The following AGBL1 variants were observed in gnomAD, a reference collection of about 807,000 sequenced individuals.
The protein encoded by AGBL1 is cytosolic carboxypeptidase 4.
In AGBL1, 130 loss-of-function variants were observed where a neutral mutation model predicts 118.9. The observed-to-expected ratio is 1.09, with a 90% CI of 0.95 to 1.26. The LOEUF is 1.26. Ranked by LOEUF, AGBL1 falls within the 50% of genes most tolerant of loss-of-function variation. The pLI is 0.00. For missense variants in AGBL1, 1,584 were observed against 1,298.1 expected, an observed-to-expected ratio of 1.22 and a Z score of -3.38; for synonymous variants, 555 against 478.9, an observed-to-expected ratio of 1.16 and a Z score of -2.08.
intron 23 of AGBL1, among the ~76,000 whole-genome samples, chr15:86,944,372 C>T (rs1222005329): frequency 6.6e-6 from 1 of 150,480 alleles, no homozygotes; most frequent in Non-Finnish European, 1.5e-5. Flanking sequence ...AGTGAAACTC[C>T]GTCTAAATAA....
chr15:86,299,267 A>G (rs2079707631), intron 17 of AGBL1, among the ~76,000 whole-genome samples: 1 of 152,124 alleles, frequency 6.6e-6, no homozygotes, highest in Non-Finnish European at 1.5e-5. Flanking sequence ...TGAACAGGGA[A>G]GTTCTCTGGG....
intron 23 of AGBL1, among the ~76,000 whole-genome samples, chr15:86,977,854 T>C (rs1048892963): frequency 3.9e-5 from 6 of 152,136 alleles, no homozygotes; most frequent in Admixed American, 2.6e-4. Flanking sequence ...TATGTCTTAA[T>C]TTTCAAATTT....
At chr15:86,731,241 TG>T (rs973117879) in intron 22 of AGBL1, among the ~76,000 whole-genome samples, 5 of 152,330 alleles carry the variant, frequency 3.3e-5, no homozygotes, top group African/African-American at 4.8e-5. Context: ...GTTGATTTTT[TG>T]TTTTTTACAT....
chr15:86,134,638 G>A (rs2076864151), intron 1 of AGBL1, among the ~76,000 whole-genome samples: 2 of 119,078 alleles, frequency 1.7e-5, no homozygotes, highest in Non-Finnish European at 3.3e-5. Flanking sequence ...TTTTGAGATG[G>A]CATCTCACTC....
chr15:86,546,057 G>T lies in AGBL1; in HGVS notation c.2741G>T (p.Cys914Phe), dbSNP rs762984821. The T allele has an allele frequency of 6.2e-7, 1 of 1,613,224 alleles. No homozygotes were observed. Among genetic ancestry groups the T allele is most frequent in the East Asian group, 2.2e-5 (1 of 44,872 alleles). The change falls in exon 20 of 23, where the codon TGT (cysteine) becomes TTT (phenylalanine). Residue 914 changes from cysteine to phenylalanine, a missense_variant. Cys to Phe is a radical substitution (Grantham distance 205). Coordinates refer to ENST00000614907, the MANE Select transcript of AGBL1 (RefSeq NM_001386094.1). Reference sequence around the variant, plus strand: ...AAGAAGAATGTGTTCCTTTATGGCTGTAGCATCAAGGAAACCTTGTGGCAA... The same window carrying T: ...AAGAAGAATGTGTTCCTTTATGGCTTTAGCATCAAGGAAACCTTGTGGCAA... Reference protein sequence around the residue: ...SQKKNVFLYGCSIKETLWQAA... With the variant: ...SQKKNVFLYGFSIKETLWQAA...
chr15:86,845,807 G>A (rs2079309426), intron 22 of AGBL1, among the ~76,000 whole-genome samples: 1 of 152,078 alleles, frequency 6.6e-6, no homozygotes, highest in African/African-American at 2.4e-5. Context: ...TTGGTAAATT[G>A]TGTTTGGTAA....
intron 22 of AGBL1, among the ~76,000 whole-genome samples, chr15:86,882,254 G>A (rs1173406377): frequency 6.6e-6 from 1 of 152,146 alleles, no homozygotes; most frequent in African/African-American, 2.4e-5. Flanking sequence ...AAATAAGTGG[G>A]GTGGTATCCA....
intron 18 of AGBL1, among the ~76,000 whole-genome samples, chr15:86,442,113 G>A (rs1033465919): frequency 3.9e-5 from 6 of 152,244 alleles, no homozygotes; most frequent in African/African-American, 1.4e-4. Context: ...CTGTTTGCAA[G>A]GAGCCGGGAG....
intron 22 of AGBL1, among the ~76,000 whole-genome samples, chr15:86,889,382 T>C (rs1023694918): frequency 2.6e-5 from 4 of 151,716 alleles, no homozygotes; most frequent in Admixed American, 6.6e-5. Context: ...TGTGTTTTAT[T>C]TTTCATTGAC....
At chr15:86,393,189 AT>A (rs1190749282) in intron 17 of AGBL1, among the ~76,000 whole-genome samples, 16 of 152,184 alleles carry the variant, frequency 1.1e-4, no homozygotes, top group African/African-American at 3.9e-4. Flanking sequence ...CTTGTGGTGT[AT>A]TACAATACAG....
intron 1 of AGBL1, among the ~76,000 whole-genome samples, chr15:86,138,713 C>G (rs150531207): frequency 2.0e-5 from 3 of 152,028 alleles, no homozygotes; most frequent in Admixed American, 2.0e-4. Flanking sequence ...CTCATTTTCT[C>G]TCTTATTTTC....
chr15:86,728,850 C>T (rs28681337), intron 22 of AGBL1, among the ~76,000 whole-genome samples: 3 of 152,068 alleles, frequency 2.0e-5, no homozygotes, highest in African/African-American at 7.3e-5. Flanking sequence ...ACCCATTTTC[C>T]AGATGAATCT....
chr15:86,656,730 AC>A (rs1317581244), intron 21 of AGBL1, among the ~76,000 whole-genome samples: 1 of 151,526 alleles, frequency 6.6e-6, no homozygotes, highest in Non-Finnish European at 1.5e-5. Context: ...CTTCCTTTAC[AC>A]CCCCTGAGCT....
chr15:86,215,980 A>G (rs2078181426), intron 5 of AGBL1, among the ~76,000 whole-genome samples: 1 of 152,186 alleles, frequency 6.6e-6, no homozygotes, highest in Non-Finnish European at 1.5e-5. Flanking sequence ...CTTTTGTTAA[A>G]TTGATTACCA....
chr15:86,926,505 A>G (rs1432854405), intron 23 of AGBL1, among the ~76,000 whole-genome samples: 2 of 152,176 alleles, frequency 1.3e-5, no homozygotes, highest in Admixed American at 1.3e-4. Context: ...CATGACCTTG[A>G]ACACGATGGA....
At chr15:86,102,311 G>T (rs1393205135) in intron 1 of AGBL1, among the ~76,000 whole-genome samples, 1 of 152,110 alleles carries the variant, frequency 6.6e-6, no homozygotes, top group African/African-American at 2.4e-5. Context: ...CAATTGCTGG[G>T]ATTACAGGCA....
intron 6 of AGBL1, 58 bp from the exon 7 acceptor site, chr15:86,247,613 C>A: frequency 1.4e-6 from 2 of 1,474,580 alleles, no homozygotes; most frequent in Non-Finnish European, 1.9e-6. Context: ...GGAACATTCT[C>A]AAAGAGGTGT....
chr15:86,527,670 G>A (rs1263613472), intron 19 of AGBL1, among the ~76,000 whole-genome samples: 1 of 152,142 alleles, frequency 6.6e-6, no homozygotes, highest in Non-Finnish European at 1.5e-5. Context: ...GTTTTCTGAA[G>A]CACTGGGAAG....
intron 23 of AGBL1, among the ~76,000 whole-genome samples, chr15:86,948,745 G>A (rs932775824): frequency 9.9e-5 from 15 of 152,214 alleles, no homozygotes; most frequent in Non-Finnish European, 1.9e-4. Context: ...GAGTGCCATT[G>A]ATATATCTAA....
Sources: gnomAD v4.1 joint callset for allele counts (sites outside exome capture counted in the v4.1 genomes callset) on GRCh38, gnomAD v4.1.1 for gene constraint, MANE v1.5 for transcripts, NCBI Gene and HGNC (gene_info 2026-07-23, HGNC 2026-07-21) for gene names.